MYRFL: variants seen among roughly 807,000 people sequenced by gnomAD.
MYRFL encodes myelin regulatory factor like, also known as myelin regulatory factor-like protein.
Under a neutral mutation model 109.4 loss-of-function variants are expected in MYRFL, and 88 were observed. That is an observed-to-expected ratio of 0.80 (90% CI 0.68 to 0.96). The LOEUF (loss-of-function observed/expected upper bound fraction) is 0.96, where lower values mean the gene tolerates loss of function less well. MYRFL is among the 40% of genes least tolerant of loss of function. MYRFL has a pLI of 0.00. For missense variants in MYRFL, 957 were observed against 954.9 expected, an observed-to-expected ratio of 1.00 and a Z score of -0.03; for synonymous variants, 324 against 320.9, an observed-to-expected ratio of 1.01 and a Z score of -0.10.
chr12:69,924,996 A>G (rs781209046), intron 13 of MYRFL, among the ~76,000 whole-genome samples: 5 of 152,244 alleles, frequency 3.3e-5, no homozygotes, highest in Non-Finnish European at 7.3e-5. Context: ...ATAAATCAAC[A>G]TAATTCTGCC....
Position 69,855,386 on chromosome 12 carries a change from A to G in MYRFL, c.137+16A>G. 1 of 702,344 alleles carries G rather than the reference A, an allele frequency of 1.4e-6. No homozygotes were observed. Among genetic ancestry groups the G allele is most frequent in the Non-Finnish European group, 2.6e-6 (1 of 384,628 alleles). The allele number at this position is 702,344 out of a possible 1,614,324, so 43.5% of individuals were successfully genotyped here. ...TGGGGGCCTTGTAAGTAATGAGAGC[A>G]CTGCTCTCTAGTTGATGTTTAAAAT... On this transcript the variant is annotated intron_variant, in intron 2 of 24. Coordinates refer to ENST00000552032, the MANE Select transcript of MYRFL (RefSeq NM_182530.3).
chr12:69,954,653 A>G (rs938447881), intron 21 of MYRFL, among the ~76,000 whole-genome samples: 2 of 152,154 alleles, frequency 1.3e-5, no homozygotes, highest in Non-Finnish European at 2.9e-5. Flanking sequence ...TCTTTTTCCC[A>G]TCGATCTGAT....
chr12:69,851,259 A>T (rs555171680), intron 1 of MYRFL, among the ~76,000 whole-genome samples: 1 of 151,994 alleles, frequency 6.6e-6, no homozygotes. Context: ...TATTACCTGG[A>T]TGATGGGATC....
At chr12:69,842,210 T>TAA (rs2136317054) in intron 1 of MYRFL, among the ~76,000 whole-genome samples, 2 of 152,342 alleles carry the variant, frequency 1.3e-5, no homozygotes, top group South Asian at 4.1e-4. Flanking sequence ...CTAGTCTCTT[T>TAA]AAACTAGTCT....
intron 19 of MYRFL, among the ~76,000 whole-genome samples, chr12:69,943,624 C>G (rs1249438024): frequency 2.0e-5 from 3 of 151,222 alleles, no homozygotes; most frequent in Non-Finnish European, 4.4e-5. Flanking sequence ...TAGGCATGGG[C>G]AAGGACTTCA....
At chr12:69,910,975 G>A in intron 13 of MYRFL, 45 bp downstream of exon 13, 1 of 1,362,368 alleles carries the variant, frequency 7.3e-7, no homozygotes, top group Non-Finnish European at 1.0e-6. Flanking sequence ...ATCAGTCTAG[G>A]GATAAACCCC....
chr12:69,949,319 G>T (rs766205924), intron 19 of MYRFL, among the ~76,000 whole-genome samples: 2 of 151,458 alleles, frequency 1.3e-5, no homozygotes, highest in Non-Finnish European at 2.9e-5. Flanking sequence ...CTAAATGATT[G>T]CTTTCACTAT....
chr12:69,873,361 G>C (rs902185205), intron 2 of MYRFL, among the ~76,000 whole-genome samples: 4 of 152,174 alleles, frequency 2.6e-5, no homozygotes, highest in African/African-American at 9.7e-5. Flanking sequence ...GGTTGGACAA[G>C]CTTGCAGTAG....
At chr12:69,859,426 G>C (rs1208723418) in intron 2 of MYRFL, among the ~76,000 whole-genome samples, 1 of 152,218 alleles carries the variant, frequency 6.6e-6, no homozygotes, top group Admixed American at 6.5e-5. Flanking sequence ...ATCTACGACA[G>C]TGACAGAAAT....
chr12:69,866,142 G>C (rs1229178574), intron 2 of MYRFL, among the ~76,000 whole-genome samples: 2 of 151,936 alleles, frequency 1.3e-5, no homozygotes, highest in Non-Finnish European at 2.9e-5. Context: ...TATTTTAAAG[G>C]AATGTGAATC....
intron 19 of MYRFL, among the ~76,000 whole-genome samples, chr12:69,940,708 T>G (rs1955615802): frequency 6.7e-6 from 1 of 149,934 alleles, no homozygotes; most frequent in Non-Finnish European, 1.5e-5. Flanking sequence ...GTAAATGGAC[T>G]AAATGCTCCA....
intron 19 of MYRFL, among the ~76,000 whole-genome samples, chr12:69,941,798 A>G (rs1784086875): frequency 6.6e-6 from 1 of 151,888 alleles, no homozygotes; most frequent in Non-Finnish European, 1.5e-5. Flanking sequence ...CAAGACTAAT[A>G]AAGAAAAAAA....
chr12:69,938,449 A>G (rs1955535275), intron 19 of MYRFL, among the ~76,000 whole-genome samples: 1 of 152,172 alleles, frequency 6.6e-6, no homozygotes, highest in South Asian at 2.1e-4. Context: ...TGAAGTAACC[A>G]GCTGTTCACA....
chr12:69,852,759 G>T (rs1240246), intron 1 of MYRFL, among the ~76,000 whole-genome samples: 2 of 151,296 alleles, frequency 1.3e-5, no homozygotes, highest in Non-Finnish European at 3.0e-5. Context: ...TGTGTCCCTG[G>T]GTACTTGAGA....
At chr12:69,842,077 C>A (rs923835862) in intron 1 of MYRFL, among the ~76,000 whole-genome samples, 68 of 152,174 alleles carry the variant, frequency 4.5e-4, no homozygotes, top group African/African-American at 1.6e-3. Context: ...GAACCAGAAT[C>A]CTTAACTACT....
intron 2 of MYRFL, among the ~76,000 whole-genome samples, chr12:69,857,880 A>T (rs1884395245): frequency 6.6e-6 from 1 of 151,844 alleles, no homozygotes; most frequent in Non-Finnish European, 1.5e-5. Context: ...TGAAGTAGGT[A>T]AGACCTGGGT....
chr12:69,932,430 C>T, intron 15 of MYRFL, 83 bp from the exon 16 acceptor site: 1 of 873,886 alleles, frequency 1.1e-6, no homozygotes, highest in Non-Finnish European at 1.8e-6. Context: ...AGCAAATACC[C>T]CTGCTGGGAG....
intron 1 of MYRFL, among the ~76,000 whole-genome samples, chr12:69,852,584 T>A (rs1476678823): frequency 6.9e-6 from 1 of 145,610 alleles, no homozygotes; most frequent in African/African-American, 2.5e-5. Flanking sequence ...TTTTAATTTT[T>A]TTTTTTTTTT....
chr12:69,947,756 T>C (rs1027466768), intron 19 of MYRFL, among the ~76,000 whole-genome samples: 2 of 152,164 alleles, frequency 1.3e-5, no homozygotes, highest in African/African-American at 4.8e-5. Flanking sequence ...TCCCCCATTT[T>C]AAAGAACTCA....
Sources: allele counts gnomAD v4.1 joint callset (sites outside exome capture counted in the v4.1 genomes callset), GRCh38; gene constraint gnomAD v4.1.1; transcripts MANE v1.5; gene names NCBI Gene and HGNC (gene_info 2026-07-23, HGNC 2026-07-21).